The following FRMD3 variants were observed in gnomAD, a reference collection of about 807,000 sequenced individuals.
FRMD3 encodes FERM domain-containing protein 3.
Under a neutral mutation model 70.2 loss-of-function variants are expected in FRMD3, and 33 were observed. The observed-to-expected ratio is 0.47, with a 90% CI of 0.36 to 0.63. The LOEUF (loss-of-function observed/expected upper bound fraction) is 0.63, where lower values mean the gene tolerates loss of function less well. FRMD3 is among the 20% of genes least tolerant of loss of function. The pLI is 0.00. For synonymous variants in FRMD3, 279 were observed against 255.9 expected, an observed-to-expected ratio of 1.09 and a Z score of -0.86; for missense variants, 632 against 711.4, an observed-to-expected ratio of 0.89 and a Z score of 1.27.
chr9:83,529,683 AC>A (rs1829755531), intron 1 of FRMD3, among the ~76,000 whole-genome samples: 1 of 152,178 alleles, frequency 6.6e-6, no homozygotes, highest in Non-Finnish European at 1.5e-5. Flanking sequence ...AGCTTTTTTG[AC>A]CCCATCAAGA....
At chr9:83,479,785 GGGAA>G (rs1242768755) in intron 1 of FRMD3, among the ~76,000 whole-genome samples, 16,019 of 40,978 alleles carry the variant, frequency 0.39, 1,759 homozygotes, top group Middle Eastern at 0.47. Context: ...GAGGGAGGGA[GGGAA>G]GGAAGGAAGG....
Position 83,261,102 on chromosome 9 carries a change from G to GATACACACACACAC in FRMD3, c.1196-12587_1196-12586insGTGTGTGTGTGTAT, listed in dbSNP as rs71498040. Among the ~76,000 whole-genome samples the GATACACACACACAC allele has an allele frequency of 6.0e-4, 80 of 133,032 alleles. 1 individual carries two copies. The highest frequency in any genetic ancestry group is 3.0e-3 in the Admixed American group (39 of 13,154). 87.3% of individuals were successfully genotyped at this position (133,032 alleles called of 152,430 possible). A position where few individuals can be genotyped will look rare whatever the true frequency, so the allele number is the denominator to read the frequency against. On this transcript the variant is annotated intron_variant, in intron 13 of 13. Transcript: ENST00000304195. ...GAAAGTATCCACAAAAGGAAACTTA[G>GATACACACACACAC]ACACACACACACACACACACACACA...
chr9:83,430,523 A>C (rs951979463), intron 1 of FRMD3, among the ~76,000 whole-genome samples: 2 of 152,238 alleles, frequency 1.3e-5, no homozygotes, highest in Non-Finnish European at 2.9e-5. Flanking sequence ...GCAGATCATA[A>C]GTCTCTCCAC....
intron 4 of FRMD3, among the ~76,000 whole-genome samples, chr9:83,346,103 A>G (rs897841537): frequency 6.6e-6 from 1 of 152,062 alleles, no homozygotes. Context: ...TAAAAATACA[A>G]AAATTAGCTA....
At chr9:83,348,235 C>G (rs911668536) in intron 4 of FRMD3, among the ~76,000 whole-genome samples, 1 of 151,506 alleles carries the variant, frequency 6.6e-6, no homozygotes, top group African/African-American at 2.4e-5. Flanking sequence ...TCGCTCTCTC[C>G]TCTCTCTCTC....
At chr9:83,574,828 TG>T in the FRMD3 span, among the ~76,000 whole-genome samples, 1 of 152,150 alleles carries the variant, frequency 6.6e-6, no homozygotes, top group African/African-American at 2.4e-5. Flanking sequence ...TTCTAATTGT[TG>T]ATTCTCCAAC....
At chr9:83,301,774 C>T (rs1564003991) in intron 10 of FRMD3, among the ~76,000 whole-genome samples, 1 of 152,332 alleles carries the variant, frequency 6.6e-6, no homozygotes, top group East Asian at 1.9e-4. Flanking sequence ...AGTCTCAGTA[C>T]TGCTTCCCAA....
intron 4 of FRMD3, among the ~76,000 whole-genome samples, chr9:83,344,430 G>A (rs1372164529): frequency 8.5e-5 from 13 of 152,170 alleles, no homozygotes; most frequent in African/African-American, 2.7e-4. Flanking sequence ...TTTTCTGGAC[G>A]AGGGTGATTC....
At chr9:83,383,338 T>A (rs1223899523) in intron 2 of FRMD3, among the ~76,000 whole-genome samples, 1 of 152,216 alleles carries the variant, frequency 6.6e-6, no homozygotes, top group Non-Finnish European at 1.5e-5. Flanking sequence ...GGAAGGCTCA[T>A]TAAACAGCAA....
intron 10 of FRMD3, among the ~76,000 whole-genome samples, chr9:83,306,718 T>C (rs1343092035): frequency 3.3e-5 from 5 of 151,884 alleles, no homozygotes; most frequent in African/African-American, 9.7e-5. Context: ...CTTCAGGAAA[T>C]AAAAAAAGCA....
intron 1 of FRMD3, among the ~76,000 whole-genome samples, chr9:83,459,351 T>C (rs11140105): frequency 0.16 from 24,117 of 152,148 alleles, 1,953 homozygotes; most frequent in East Asian, 0.2. Flanking sequence ...GGAGCAGGTA[T>C]CCACAAGCAG....
In FRMD3 at chr9:83,307,875, G is replaced by A. The variant is rs142618043; in HGVS notation, c.926+1661C>T. Among the ~76,000 whole-genome samples the A allele has an allele frequency of 1.6e-3, 237 of 152,102 alleles. 1 individual carries two copies. The highest frequency in any genetic ancestry group is 2.4e-3 in the Non-Finnish European group (165 of 67,986). On this transcript the variant is annotated intron_variant, in intron 10 of 13. Coordinates refer to ENST00000304195, the MANE Select transcript of FRMD3 (RefSeq NM_174938.6). ...AAAAATCACTAAGGCTCCAACTAAA[G>A]ACTGAGAGCATCAAACCCTCTGTGT...
chr9:83,400,277 A>G (rs1015606077), intron 1 of FRMD3, among the ~76,000 whole-genome samples: 1 of 152,214 alleles, frequency 6.6e-6, no homozygotes, highest in Non-Finnish European at 1.5e-5. Context: ...GTTGAAATTA[A>G]AAACAAAAGA....
rs1340675121 is a variant in FRMD3, at chr9:83,275,243, T to C, written c.1195+15360A>G. 7.2e-5 allele frequency among the ~76,000 whole-genome samples: 11 copies of C among 152,282 alleles called. No homozygotes were observed. In the South Asian group the frequency reaches 2.1e-3, roughly 29 times the overall value. On this transcript the variant is annotated intron_variant, in intron 13 of 13. Coordinates refer to ENST00000304195, the MANE Select transcript of FRMD3 (RefSeq NM_174938.6). ...GGATCACTTTACTCTGTGAAAACAC[T>C]ATGCCTGGGATTCCGACTTCCTTCT...
intron 1 of FRMD3, among the ~76,000 whole-genome samples, chr9:83,494,574 A>G (rs1185295628): frequency 6.6e-6 from 1 of 152,146 alleles, no homozygotes; most frequent in East Asian, 1.9e-4. Context: ...TTTCTTTACA[A>G]TAGTGACACA....
intron 13 of FRMD3, among the ~76,000 whole-genome samples, chr9:83,272,403 C>T (rs1243344391): frequency 1.3e-5 from 2 of 152,126 alleles, no homozygotes; most frequent in Admixed American, 6.5e-5. Context: ...CTCGTTCACT[C>T]AGTGCTCAAT....
chr9:83,466,975 A>G (rs1055332733), intron 1 of FRMD3, among the ~76,000 whole-genome samples: 3 of 152,216 alleles, frequency 2.0e-5, no homozygotes, highest in African/African-American at 7.2e-5. Flanking sequence ...ATCGACAGGC[A>G]AGGCTCCACC....
At chr9:83,487,995 C>T (rs1422725113) in intron 1 of FRMD3, among the ~76,000 whole-genome samples, 1 of 152,164 alleles carries the variant, frequency 6.6e-6, no homozygotes, top group Non-Finnish European at 1.5e-5. Context: ...ATAAAGACTA[C>T]ACGTTTACCA....
intron 8 of FRMD3, among the ~76,000 whole-genome samples, chr9:83,310,839 A>G (rs552202919): frequency 9.2e-5 from 14 of 152,226 alleles, no homozygotes; most frequent in Non-Finnish European, 1.9e-4. Context: ...TGATCAGAAC[A>G]ATATTAATTG....
Sources: allele counts gnomAD v4.1 joint callset (sites outside exome capture counted in the v4.1 genomes callset), GRCh38; gene constraint gnomAD v4.1.1; transcripts MANE v1.5; gene names NCBI Gene and HGNC (gene_info 2026-07-23, HGNC 2026-07-21).